ARHGAP18: variants seen among roughly 807,000 people sequenced by gnomAD.
ARHGAP18 encodes the protein rho GTPase-activating protein 18.
ARHGAP18 carries 67 observed loss-of-function variants against 86.2 expected under a neutral mutation model. The observed-to-expected ratio is 0.78, with a 90% confidence interval of 0.64 to 0.95. The LOEUF is 0.95. ARHGAP18 is among the 40% of genes least tolerant of loss of function. ARHGAP18 has a pLI of 0.00. For synonymous variants in ARHGAP18, 283 were observed against 280.4 expected (o/e 1.01, Z -0.09); for missense variants, 691 against 780.4 (o/e 0.89, Z 1.37).
In ARHGAP18 at chr6:129,625,163, A is replaced by T. The variant is rs1462564972; in HGVS notation, c.786+4190T>A. 9.1e-5 allele frequency among the ~76,000 whole-genome samples: 5 copies of T among 54,824 alleles called. 2 individuals are homozygous for T. The highest frequency in any genetic ancestry group is 3.1e-4 in the African/African-American group (4 of 12,924). The allele number at this position is 54,824 out of a possible 152,430, so 36.0% of individuals were successfully genotyped here. A position where few individuals can be genotyped will look rare whatever the true frequency, so the allele number is the denominator to read the frequency against. The stretch of plus-strand genomic sequence containing the variant: ...TATATTATATATTATATAGATATAT[A>T]TTATATATGATATATTATATATTAT... On this transcript the variant is annotated intron_variant, in intron 5 of 14. Coordinates refer to ENST00000368149, the MANE Select transcript of ARHGAP18 (RefSeq NM_033515.3).
chr6:129,697,819 A>G (rs1474186719), intron 1 of ARHGAP18, among the ~76,000 whole-genome samples: 1 of 152,210 alleles, frequency 6.6e-6, no homozygotes, highest in African/African-American at 2.4e-5. Context: ...CACTATATAC[A>G]TTTATTCCTA....
At chr6:129,594,276 A>T (rs563865303) in intron 12 of ARHGAP18, among the ~76,000 whole-genome samples, 15 of 152,252 alleles carry the variant, frequency 9.9e-5, no homozygotes, top group African/African-American at 3.6e-4. Context: ...TGTTAACCTT[A>T]CTCAGTCTCT....
At chr6:129,648,509 C>T (rs1363713337) in intron 1 of ARHGAP18, among the ~76,000 whole-genome samples, 1 of 150,438 alleles carries the variant, frequency 6.6e-6, no homozygotes, top group African/African-American at 2.4e-5. Flanking sequence ...CAGTGGCTTA[C>T]ACTTGTAATC....
chr6:129,676,910 GTCC>G (rs561695970), intron 1 of ARHGAP18, among the ~76,000 whole-genome samples: 1,893 of 31,602 alleles, frequency 0.06, 143 homozygotes, highest in Middle Eastern at 0.11. Flanking sequence ...AAAATTTTTT[GTCC>G]TCTTTTTTTT....
At chr6:129,628,268 C>T (rs1773086621) in intron 5 of ARHGAP18, among the ~76,000 whole-genome samples, 1 of 152,126 alleles carries the variant, frequency 6.6e-6, no homozygotes, top group African/African-American at 2.4e-5. Context: ...CAAAGAGAGC[C>T]TGGAACATCT....
chr6:129,641,828 T>C lies in ARHGAP18; in HGVS notation c.304A>G (p.Lys102Glu), dbSNP rs140336106. The change falls in exon 2 of 15, where the codon AAA becomes GAA. Residue 102 changes from lysine to glutamate, a missense_variant. Lys to Glu is a moderately conservative substitution (Grantham distance 56). Coordinates refer to ENST00000368149, the MANE Select transcript of ARHGAP18 (RefSeq NM_033515.3). ...SQEDQEVVVV[K>E]EPDEGELEEE... ...AGTTAGTTATTACCATCAGGCTCTT[T>C]GACAACAACCACCTCTTGATCTTCT... 1.7e-5 allele frequency: 27 copies of C among 1,613,548 alleles called. No individual in the cohort carries two copies. The highest frequency in any genetic ancestry group is 2.2e-5 in the Non-Finnish European group (26 of 1,179,728).
In ARHGAP18 at chr6:129,625,812, A is replaced by G. The variant is rs1445918125; in HGVS notation, c.786+3541T>C. ...TATATATTTTTATATTATATATTAT[A>G]TATTTATATATTATATATTATACAT... On this transcript the variant is annotated intron_variant, in intron 5 of 14. Transcript: ENST00000368149. 1.6e-3 allele frequency among the ~76,000 whole-genome samples: 125 copies of G among 77,454 alleles called. 7 individuals carry two copies. The highest frequency in any genetic ancestry group is 6.4e-3 in the African/African-American group (122 of 19,092). 50.8% of individuals were successfully genotyped at this position (77,454 alleles called of 152,430 possible). A position where few individuals can be genotyped will look rare whatever the true frequency, so the allele number is the denominator to read the frequency against.
intron 1 of ARHGAP18, among the ~76,000 whole-genome samples, chr6:129,696,178 T>G (rs1340296470): frequency 6.6e-6 from 1 of 152,236 alleles, no homozygotes; most frequent in Non-Finnish European, 1.5e-5. Flanking sequence ...AAAAAAATAG[T>G]ACTCTAAAAT....
chr6:129,594,616 G>C (rs971202424), intron 12 of ARHGAP18, among the ~76,000 whole-genome samples: 4 of 152,058 alleles, frequency 2.6e-5, no homozygotes, highest in Non-Finnish European at 5.9e-5. Flanking sequence ...ACTCACACAG[G>C]CACGTTAACC....
intron 1 of ARHGAP18, among the ~76,000 whole-genome samples, chr6:129,653,089 C>G (rs1562711987): frequency 6.6e-6 from 1 of 152,152 alleles, no homozygotes; most frequent in Non-Finnish European, 1.5e-5. Context: ...AAACTCTTCT[C>G]AGTTCTTTGT....
intron 1 of ARHGAP18, among the ~76,000 whole-genome samples, chr6:129,669,805 A>G (rs1022837862): frequency 6.6e-6 from 1 of 152,052 alleles, no homozygotes; most frequent in African/African-American, 2.4e-5. Context: ...AAATAAATTC[A>G]GGAAAAATAA....
chr6:129,658,601 C>A (rs549500680), intron 1 of ARHGAP18, among the ~76,000 whole-genome samples: 1 of 152,274 alleles, frequency 6.6e-6, no homozygotes, highest in South Asian at 2.1e-4. Flanking sequence ...AAATTTTTCA[C>A]TTTCCATTTC....
At chr6:129,594,365 T>C (rs1431011780) in intron 12 of ARHGAP18, among the ~76,000 whole-genome samples, 1 of 152,162 alleles carries the variant, frequency 6.6e-6, no homozygotes, top group Non-Finnish European at 1.5e-5. Flanking sequence ...AAAATATACA[T>C]CCTTCAACTT....
At chr6:129,672,404 G>A (rs1200619107) in intron 1 of ARHGAP18, among the ~76,000 whole-genome samples, 1 of 152,114 alleles carries the variant, frequency 6.6e-6, no homozygotes, top group Non-Finnish European at 1.5e-5. Flanking sequence ...TCCCAACTCA[G>A]CACCCAAGAG....
At chr6:129,686,690 T>TA (rs950251241) in intron 1 of ARHGAP18, among the ~76,000 whole-genome samples, 4 of 152,194 alleles carry the variant, frequency 2.6e-5, no homozygotes, top group Admixed American at 2.0e-4. Flanking sequence ...TTACAAGTTA[T>TA]AAGTTATATG....
chr6:129,598,347 G>A (rs910612363), intron 12 of ARHGAP18, among the ~76,000 whole-genome samples: 8 of 152,230 alleles, frequency 5.3e-5, no homozygotes, highest in East Asian at 3.9e-4. Context: ...GAAAAACTTC[G>A]TTTTTATGAT....
intron 1 of ARHGAP18, among the ~76,000 whole-genome samples, chr6:129,642,621 T>C (rs566231801): frequency 1.3e-5 from 2 of 152,256 alleles, no homozygotes; most frequent in East Asian, 1.9e-4. Flanking sequence ...ACCTGAAACT[T>C]TGTTTTTAAA....
intron 1 of ARHGAP18, among the ~76,000 whole-genome samples, chr6:129,667,915 T>C (rs1288233148): frequency 1.3e-5 from 2 of 152,106 alleles, no homozygotes. Context: ...GAAGAAAGCA[T>C]CAGTGGTATC....
chr6:129,685,506 TAA>T (rs113300241), intron 1 of ARHGAP18, among the ~76,000 whole-genome samples: 104 of 144,686 alleles, frequency 7.2e-4, no homozygotes, highest in African/African-American at 2.6e-3. Context: ...AGACTCCGTC[TAA>T]AAAAAAAAAA....
Sources: gnomAD v4.1 joint callset for allele counts (sites outside exome capture counted in the v4.1 genomes callset) on GRCh38, gnomAD v4.1.1 for gene constraint, MANE v1.5 for transcripts, NCBI Gene and HGNC (gene_info 2026-07-23, HGNC 2026-07-21) for gene names.